ZNF30: variants seen among roughly 807,000 people sequenced by gnomAD.
The protein encoded by ZNF30 is zinc finger protein 30 (KOX 28).
ZNF30 carries 15 observed loss-of-function variants against 13.2 expected under a neutral mutation model. The observed-to-expected ratio is 1.13, with a 90% CI of 0.76 to 1.75. The LOEUF (loss-of-function observed/expected upper bound fraction) is 1.75, where lower values mean the gene tolerates loss of function less well. Ranked by LOEUF, ZNF30 falls within the 40% of genes most tolerant of loss-of-function variation. ZNF30 has a pLI of 0.00. For synonymous variants in ZNF30, 223 were observed against 256.6 expected, an observed-to-expected ratio of 0.87 and a Z score of 1.25; for missense variants, 726 against 757.0, an observed-to-expected ratio of 0.96 and a Z score of 0.48.
At chr19:34,925,608 G>A (rs1454672711), upstream of ZNF30, among the ~76,000 whole-genome samples, 4 of 152,128 alleles carry the variant, frequency 2.6e-5, no homozygotes, top group Non-Finnish European at 4.4e-5. Flanking sequence ...GGAACAGGAT[G>A]GGGGCGTGGC....
chr19:34,933,697 G>A lies in ZNF30; in HGVS notation c.230G>A (p.Arg77Lys). The change falls in exon 4 of 5, where the codon AGG becomes AAG. Residue 77 changes from arginine to lysine, a missense_variant. Transcript: ENST00000601142. ...EQWKEPEVTV[R>K]KDGRRWCTDL... is the part of the protein sequence containing the mutation. Reference sequence around the variant, plus strand: ...TGGAAAGAGCCTGAAGTGACAGTGAGGAAAGATGGAAGAAGATGGTGCACA... The same window carrying A: ...TGGAAAGAGCCTGAAGTGACAGTGAAGAAAGATGGAAGAAGATGGTGCACA... The A allele has an allele frequency of 1.9e-6, 3 of 1,590,622 alleles. No individual in the cohort carries two copies. The highest frequency in any genetic ancestry group is 1.8e-5 in the Admixed American group (1 of 56,408).
At position 34,926,922 on chromosome 19, in the gene ZNF30, A is replaced by C; in HGVS notation, c.-359A>C. 5.0e-6 allele frequency: 2 copies of C among 398,412 alleles called. No individual in the cohort carries two copies. The highest frequency in any genetic ancestry group is 8.9e-6 in the Non-Finnish European group (2 of 225,928). The allele number at this position is 398,412 out of a possible 1,614,324, so 24.7% of individuals were successfully genotyped here. A position where few individuals can be genotyped will look rare whatever the true frequency, so the allele number is the denominator to read the frequency against. ...GGCGGCCTTGTGGACTGCGCCGGGC[A>C]TGCTCGGCGGTGTGACGGCTCAGGA... On this transcript the variant is annotated 5_prime_UTR_variant, in exon 1 of 5. It removes an upstream start codon present in the reference 5' UTR. Transcript: ENST00000601142.
At chr19:34,928,979 C>A (rs1260621358) in intron 1 of ZNF30, among the ~76,000 whole-genome samples, 2 of 151,842 alleles carry the variant, frequency 1.3e-5, no homozygotes, top group African/African-American at 2.4e-5. Context: ...TAAGAGGGAG[C>A]TACCATAGTA....
At chr19:34,937,559 C>T (rs1331348161) in intron 4 of ZNF30, among the ~76,000 whole-genome samples, 1 of 151,894 alleles carries the variant, frequency 6.6e-6, no homozygotes, top group Non-Finnish European at 1.5e-5. Flanking sequence ...TAGCAGGACC[C>T]CCCATCTCTA....
Position 34,944,086 on chromosome 19 carries a change from T to C in ZNF30, c.1120T>C (p.Cys374Arg), listed in dbSNP as rs758508967. 7.4e-6 allele frequency: 12 copies of C among 1,613,646 alleles called. No homozygotes were observed. The African/African-American group carries it at 1.6e-4, about 22-fold the overall frequency. ...TCATGCAGAGATAAAGCCCTACGGA[T>C]GCAAGGAATGCGGGAGAACCTTCAG... Reference protein sequence around the residue: ...RIHAEIKPYGCKECGRTFSRA... With the variant: ...RIHAEIKPYGRKECGRTFSRA... Residue 374 changes from cysteine to arginine, a missense_variant, in exon 5 of 5, where the codon TGC (cysteine) becomes CGC (arginine). Coordinates refer to ENST00000601142, the MANE Select transcript of ZNF30 (RefSeq NM_194325.3).
chr19:34,934,317 A>G (rs991669817), intron 4 of ZNF30, among the ~76,000 whole-genome samples: 1 of 152,136 alleles, frequency 6.6e-6, no homozygotes, highest in Admixed American at 6.6e-5. Context: ...AGGCTGGCAT[A>G]CAGTGGTGCA....
chr19:34,928,160 A>G (rs986899277), intron 1 of ZNF30, among the ~76,000 whole-genome samples: 41 of 148,460 alleles, frequency 2.8e-4, no homozygotes, highest in African/African-American at 1.0e-3. Flanking sequence ...GTGAGTGGAG[A>G]TGGCACCACC....
intron 4 of ZNF30, among the ~76,000 whole-genome samples, chr19:34,941,736 T>C (rs2013058919): frequency 6.6e-6 from 1 of 152,224 alleles, no homozygotes; most frequent in Non-Finnish European, 1.5e-5. Context: ...TCTAATCCAG[T>C]TTTGCAGTTG....
chr19:34,940,733 C>T (rs1346559910), intron 4 of ZNF30, among the ~76,000 whole-genome samples: 2 of 145,400 alleles, frequency 1.4e-5, no homozygotes, highest in African/African-American at 2.5e-5. Flanking sequence ...AATGGTTGCA[C>T]AATAGCATTT....
intron 4 of ZNF30, among the ~76,000 whole-genome samples, chr19:34,939,186 A>C (rs2651105): frequency 0.48 from 47,168 of 97,642 alleles, 12,806 homozygotes; most frequent in African/African-American, 0.83. Flanking sequence ...TCCCTCCCCT[A>C]TCCTCTTTTC....
intron 1 of ZNF30, among the ~76,000 whole-genome samples, chr19:34,928,236 TATATATATATATATATATAG>T (rs2012212425): frequency 1.1e-5 from 1 of 90,484 alleles, no homozygotes; most frequent in Non-Finnish European, 2.4e-5. Flanking sequence ...TATATATATA[TATATATATATATATATATAG>T]ATAGATAGAT....
At chr19:34,926,725 T>C (rs967087660), upstream of ZNF30, 1 of 390,576 alleles carries the variant, frequency 2.6e-6, no homozygotes, top group Non-Finnish European at 4.5e-6. Context: ...TTGCTTTTTC[T>C]GACCTGGTGT....
Position 34,944,357 on chromosome 19 carries a change from C to T in ZNF30, c.1391C>T (p.Ala464Val), listed in dbSNP as rs1022656671. The T allele has an allele frequency of 1.2e-6, 2 of 1,614,150 alleles. No homozygotes were observed. Among genetic ancestry groups the T allele is most frequent in the Non-Finnish European group, 1.7e-6 (2 of 1,180,024 alleles). Residue 464 changes from alanine to valine, a missense_variant, in exon 5 of 5, where the codon GCC becomes GTC. Ala to Val is a moderately conservative substitution (Grantham distance 64). Coordinates refer to ENST00000601142, the MANE Select transcript of ZNF30 (RefSeq NM_194325.3). ...TATGAGTGTAAGGAATGTGGCAAGG[C>T]CTTCAGAGTGCACGTACATCTCACA... Reference protein sequence around the residue: ...KPYECKECGKAFRVHVHLTQH... With the variant: ...KPYECKECGKVFRVHVHLTQH...
At position 34,944,606 on chromosome 19, in the gene ZNF30, A is replaced by G. The variant is rs749084536; in HGVS notation, c.1640A>G (p.Lys547Arg). Reference sequence around the variant, plus strand: ...CCCTATGAATGTAACAAATGTGGGAAAGCCTTTACTGTTTATGGACAACTT... The same window carrying G: ...CCCTATGAATGTAACAAATGTGGGAGAGCCTTTACTGTTTATGGACAACTT... ...EKPYECNKCG[K>R]AFTVYGQLIG... Residue 547 changes from lysine to arginine, a missense_variant, in exon 5 of 5, where the codon AAA becomes AGA. Physicochemically the swap from Lys to Arg is conservative, Grantham distance 26 (BLOSUM62 2). Transcript: ENST00000601142. 6.2e-7 allele frequency: 1 copy of G among 1,614,122 alleles called. No individual in the cohort carries two copies. The highest frequency in any genetic ancestry group is 2.2e-5 in the East Asian group (1 of 44,890).
At chr19:34,933,589 ATATTT>A in intron 3 of ZNF30, 34 bp from the exon 4 acceptor site, 1 of 1,457,632 alleles carries the variant, frequency 6.9e-7, no homozygotes, top group Non-Finnish European at 9.4e-7. Context: ...TTTTGAACTC[ATATTT>A]TATTTCTTTT....
At chr19:34,935,076 A>G (rs947538708) in intron 4 of ZNF30, among the ~76,000 whole-genome samples, 20 of 152,036 alleles carry the variant, frequency 1.3e-4, no homozygotes, top group Non-Finnish European at 2.8e-4. Context: ...AAAAAAATAC[A>G]AAAAATTGGC....
rs1281087668 is a variant in ZNF30, at chr19:34,943,954, C to T, written c.988C>T (p.Gln330Ter). The change falls in exon 5 of 5, where the codon CAG (glutamine) becomes TAG (stop). Residue 330 changes from glutamine to a stop codon, truncating the protein, a stop_gained. Transcript: ENST00000601142. LOFTEE classifies it low-confidence loss of function (END_TRUNC). ...TGGGAAGTCCTTCACTGTGTATGGA[C>T]AGCTTACTCGACATCAGAGTATTCA... The part of the protein sequence containing the change: ...ECGKSFTVYG[Q>*]LTRHQSIHTG... 1.2e-6 allele frequency: 2 copies of T among 1,613,690 alleles called. No homozygotes were observed. Among genetic ancestry groups the T allele is most frequent in the Admixed American group, 1.7e-5 (1 of 59,984 alleles).
At chr19:34,933,898 A>G (rs2012593024) in intron 4 of ZNF30, among the ~76,000 whole-genome samples, 175 bp downstream of exon 4, 1 of 152,048 alleles carries the variant, frequency 6.6e-6, no homozygotes, top group Admixed American at 6.5e-5. Flanking sequence ...CACAAAAGGA[A>G]CTTCATCTTT....
At chr19:34,942,721 G>A (rs2013109054) in intron 4 of ZNF30, 1 of 900,218 alleles carries the variant, frequency 1.1e-6, no homozygotes, top group Non-Finnish European at 1.6e-6. Flanking sequence ...GGGAAATTAG[G>A]TCAGTATGGG....
Sources: allele counts gnomAD v4.1 joint callset (sites outside exome capture counted in the v4.1 genomes callset), GRCh38; gene constraint gnomAD v4.1.1; transcripts MANE v1.5; gene names NCBI Gene and HGNC (gene_info 2026-07-23, HGNC 2026-07-21).